Variants in SLC5A11 observed in about 807,000 individuals in gnomAD.
The protein encoded by SLC5A11 is solute carrier family 5 member 11, also known as sodium/myo-inositol cotransporter 2.
Under a neutral mutation model 69.8 loss-of-function variants are expected in SLC5A11, and 48 were observed. That is an observed-to-expected ratio of 0.69 (90% CI 0.55 to 0.87). SLC5A11 has a LOEUF of 0.87. Among genes scored for constraint, SLC5A11 ranks in the 40% least tolerant of loss-of-function variants. The pLI is 0.00. For missense variants in SLC5A11, 784 were observed against 866.1 expected, an observed-to-expected ratio of 0.91 and a Z score of 1.19; for synonymous variants, 319 against 342.4, an observed-to-expected ratio of 0.93 and a Z score of 0.75.
In SLC5A11 at chr16:24,910,319, C is replaced by T. The variant is rs548099716; in HGVS notation, c.1664C>T (p.Thr555Ile). The T allele has an allele frequency of 8.7e-6, 14 of 1,614,020 alleles. No individual in the cohort carries two copies. The South Asian group carries it at 1.2e-4, about 14-fold the overall frequency. The change falls in exon 15 of 16, where the codon ACC (threonine) becomes ATC (isoleucine). Residue 555 changes from threonine (T) to isoleucine (I), a missense_variant. This residue lies in a region of SLC5A11 where 550 missense variants were observed against 606.4 expected (regional missense o/e 0.91). Coordinates refer to ENST00000347898, the Ensembl canonical transcript of SLC5A11. ...CCTGCTCCTTAGGTCAGCCACCTGA[C>T]CTGGTTTACTCGTCACGACCCCGTG... is the stretch of plus-strand genomic sequence containing the variant.
At chr16:24,889,792 C>T (rs959698131) in intron 8 of SLC5A11, among the ~76,000 whole-genome samples, 7 of 151,970 alleles carry the variant, frequency 4.6e-5, no homozygotes, top group African/African-American at 1.5e-4. Flanking sequence ...AGGCGATTCG[C>T]CCACCTCGGC....
chr16:24,909,898 T>G (rs1311099793), intron 14 of SLC5A11, among the ~76,000 whole-genome samples: 1 of 151,416 alleles, frequency 6.6e-6, no homozygotes, highest in Non-Finnish European at 1.5e-5. Flanking sequence ...TCTAGAGAAT[T>G]TCTAGATTTC....
intron 7 of SLC5A11, among the ~76,000 whole-genome samples, chr16:24,882,838 G>A (rs1270950815): frequency 6.6e-6 from 1 of 152,026 alleles, no homozygotes; most frequent in Non-Finnish European, 1.5e-5. Flanking sequence ...TAGGGACAAG[G>A]TTTCACCATG....
intron 7 of SLC5A11, 82 bp from the exon 9 acceptor site, chr16:24,883,969 G>A: frequency 7.7e-7 from 1 of 1,306,462 alleles, no homozygotes; most frequent in Non-Finnish European, 1.1e-6. Context: ...TCGGGTCCTG[G>A]CCTTCCAGGT....
exon 9 of SLC5A11, chr16:24,890,916 T>C: frequency 1.2e-6 from 2 of 1,614,186 alleles, no homozygotes; most frequent in East Asian, 2.2e-5. Flanking sequence ...GAAGTACTTC[T>C]TGGCCCTGGC....
At chr16:24,883,282 T>C (rs2048165075) in intron 7 of SLC5A11, among the ~76,000 whole-genome samples, 1 of 152,080 alleles carries the variant, frequency 6.6e-6, no homozygotes, top group Non-Finnish European at 1.5e-5. Flanking sequence ...GGACAATCAC[T>C]TGGGCCCAGG....
intron 1 of SLC5A11, among the ~76,000 whole-genome samples, chr16:24,855,603 T>C (rs1273130238): frequency 4.6e-5 from 7 of 151,744 alleles, no homozygotes; most frequent in Admixed American, 4.6e-4. Context: ...TCTTGTCTCT[T>C]TAAAAAAAGA....
At chr16:24,905,628 A>ACGCGCGCGCACG (rs1555534347) in intron 10 of SLC5A11, among the ~76,000 whole-genome samples, 3 of 128,544 alleles carry the variant, frequency 2.3e-5, no homozygotes, top group Admixed American at 8.1e-5. Flanking sequence ...TCTCAAAAAC[A>ACGCGCGCGCACG]CGCGCGCGCG....
intron 14 of SLC5A11, among the ~76,000 whole-genome samples, chr16:24,909,693 A>G (rs1376978750): frequency 6.8e-6 from 1 of 146,582 alleles, no homozygotes; most frequent in Non-Finnish European, 1.5e-5. Context: ...GCAGGGCGTG[A>G]TGGCTCATGC....
intron 6 of SLC5A11, 38 bp from the exon 8 acceptor site, chr16:24,877,220 C>A (rs759686654): frequency 1.2e-6 from 2 of 1,607,826 alleles, no homozygotes; most frequent in Admixed American, 1.7e-5. Flanking sequence ...TTCATTCATT[C>A]GTTCATTTGT....
chr16:24,902,447 T>G (rs2049703804), intron 10 of SLC5A11, among the ~76,000 whole-genome samples: 1 of 152,168 alleles, frequency 6.6e-6, no homozygotes, highest in Non-Finnish European at 1.5e-5. Flanking sequence ...AACTTGACTC[T>G]TGTTTATGCA....
At position 24,875,355 on chromosome 16, in the gene SLC5A11, T is replaced by G. The variant is rs1367721533; in HGVS notation, c.373-272T>G. On this transcript the variant is annotated intron_variant, in intron 5 of 15. Coordinates refer to ENST00000347898, the Ensembl canonical transcript of SLC5A11. ...GCCTGTCACCACGCATGACTAAATTTGTATTTTTTGTAGAAATGGGGTTTC... is the reference window on the plus strand; with the variant it reads ...GCCTGTCACCACGCATGACTAAATTGGTATTTTTTGTAGAAATGGGGTTTC... 4.0e-5 allele frequency among the ~76,000 whole-genome samples: 6 copies of G among 151,352 alleles called. No homozygotes were observed. The Admixed American group carries it at 4.0e-4, about 10-fold the overall frequency.
Position 24,858,854 on chromosome 16 carries a change from C to T in SLC5A11, c.135+76C>T, listed in dbSNP as rs181846139. 8.1e-5 allele frequency: 121 copies of T among 1,492,078 alleles called. 4 individuals are homozygous for T. In the Middle Eastern group the frequency reaches 9.7e-4, roughly 12 times the overall value. The allele number at this position is 1,492,078 out of a possible 1,614,324, so 92.4% of individuals were successfully genotyped here. ...TTTAGAGGTCCGGAGTTAACCTCAT[C>T]CTTTTGGAGCTAAGATACTGACTGT... On this transcript the variant is annotated intron_variant, in intron 2 of 15. Coordinates refer to ENST00000347898, the Ensembl canonical transcript of SLC5A11.
At chr16:24,862,004 C>T (rs955671103) in intron 2 of SLC5A11, 2 of 151,970 alleles carry the variant, frequency 1.3e-5, no homozygotes, top group Non-Finnish European at 2.9e-5. Context: ...GTACTATCTA[C>T]GAGGAACAGG....
intron 2 of SLC5A11, 78 bp from the exon 4 acceptor site, chr16:24,862,523 C>T: frequency 8.1e-7 from 1 of 1,228,652 alleles, no homozygotes; most frequent in Non-Finnish European, 1.2e-6. Context: ...TTTGCAATCC[C>T]TGCCTGGCCT....
chr16:24,873,684 C>T (rs1049787675), intron 5 of SLC5A11, among the ~76,000 whole-genome samples: 1 of 151,776 alleles, frequency 6.6e-6, no homozygotes, highest in Admixed American at 6.6e-5. Flanking sequence ...AATCACAATG[C>T]CTTCCCTTCT....
intron 2 of SLC5A11, among the ~76,000 whole-genome samples, chr16:24,861,602 G>A (rs1206558838): frequency 6.8e-6 from 1 of 146,686 alleles, no homozygotes; most frequent in Non-Finnish European, 1.5e-5. Context: ...AGGAAGGAAG[G>A]AAGGGAGGGA....
chr16:24,858,851 C>A lies in SLC5A11; in HGVS notation c.135+73C>A, dbSNP rs2059646396. On this transcript the variant is annotated intron_variant, in intron 2 of 15. Coordinates refer to ENST00000347898, the Ensembl canonical transcript of SLC5A11. ...CTGTTTAGAGGTCCGGAGTTAACCT[C>A]ATCCTTTTGGAGCTAAGATACTGAC... The A allele has an allele frequency of 8.0e-6, 12 of 1,508,178 alleles. No homozygotes were observed. The South Asian group carries it at 1.1e-4, about 14-fold the overall frequency. 93.4% of individuals were successfully genotyped at this position (1,508,178 alleles called of 1,614,324 possible).
intron 3 of SLC5A11, 152 bp downstream of exon 4, chr16:24,862,824 C>T (rs138207008): frequency 0.011 from 5,504 of 481,756 alleles, 52 homozygotes; most frequent in Non-Finnish European, 0.015. Flanking sequence ...AGCTCAAATT[C>T]GTTTAAACAA....
Sources: allele counts gnomAD v4.1 joint callset (sites outside exome capture counted in the v4.1 genomes callset), GRCh38; gene constraint gnomAD v4.1.1; regional missense constraint gnomAD v4.1.1; transcripts MANE v1.5; gene names NCBI Gene and HGNC (gene_info 2026-07-23, HGNC 2026-07-21).